Variants in ABAT observed in about 807,000 individuals in gnomAD.
The protein encoded by ABAT is 4-aminobutyrate aminotransferase.
Under a neutral mutation model 64.6 loss-of-function variants are expected in ABAT, and 45 were observed. The observed-to-expected ratio is 0.70, with a 90% CI of 0.55 to 0.89. The LOEUF is 0.89. Among genes scored for constraint, ABAT ranks in the 40% least tolerant of loss-of-function variants. The probability of loss-of-function intolerance (pLI) is 0.00; values close to 1 mark genes in which losing one functional copy is unlikely to be tolerated. For missense variants in ABAT, 633 were observed against 658.4 expected (o/e 0.96, Z 0.42); for synonymous variants, 297 against 250.5 (o/e 1.19, Z -1.75).
chr16:8,734,637 G>T (rs773924691), intron 1 of ABAT, among the ~76,000 whole-genome samples: 7 of 152,190 alleles, frequency 4.6e-5, no homozygotes, highest in South Asian at 2.1e-4. Context: ...GCGTCACACA[G>T]AAAGGACTCG....
At chr16:8,742,556 GATAA>G (rs138175876) in intron 2 of ABAT, among the ~76,000 whole-genome samples, 1,984 of 152,194 alleles carry the variant, frequency 0.013, 12 homozygotes, top group Non-Finnish European at 0.021. Context: ...CAAAGGAAAA[GATAA>G]ATAGTTTAGT....
intron 11 of ABAT, 62 bp downstream of exon 11, chr16:8,769,035 G>T (rs1257885702): frequency 6.2e-7 from 1 of 1,607,014 alleles, no homozygotes; most frequent in African/African-American, 1.3e-5. Context: ...GCCGCCCCAA[G>T]ACTTGGGGAG....
intron 11 of ABAT, among the ~76,000 whole-genome samples, chr16:8,772,545 A>G (rs1001851809): frequency 2.0e-5 from 3 of 152,212 alleles, no homozygotes; most frequent in Non-Finnish European, 4.4e-5. Context: ...CTGAAGCTAA[A>G]TTACTTGCCC....
intron 1 of ABAT, among the ~76,000 whole-genome samples, chr16:8,724,731 GAAAAAAAAAAAAAACAAAAAAAAAAA>G (rs1197906031): frequency 2.7e-5 from 2 of 73,194 alleles, no homozygotes; most frequent in Admixed American, 2.4e-4. Flanking sequence ...CTTGTCTCAG[GAAAAAAAAAAAAAACAAAAAAAAAAA>G]AAAAAAAAAA....
intron 14 of ABAT, among the ~76,000 whole-genome samples, chr16:8,778,517 G>A (rs1483079714): frequency 6.6e-6 from 1 of 152,204 alleles, no homozygotes; most frequent in Non-Finnish European, 1.5e-5. Context: ...GCTCACACCT[G>A]TAATCCCAGC....
At chr16:8,738,335 G>C in intron 2 of ABAT, 2 of 445,260 alleles carry the variant, frequency 4.5e-6, no homozygotes, top group South Asian at 3.2e-5. Context: ...AGATAAATAA[G>C]TTTTTAAAGA....
chr16:8,726,032 T>C (rs908162043), intron 1 of ABAT, among the ~76,000 whole-genome samples: 2 of 151,994 alleles, frequency 1.3e-5, no homozygotes, highest in African/African-American at 2.4e-5. Flanking sequence ...CTTCTATTCT[T>C]TCTAATTTTT....
chr16:8,684,861 C>G (rs938732664), intron 1 of ABAT, among the ~76,000 whole-genome samples: 1 of 151,992 alleles, frequency 6.6e-6, no homozygotes, highest in African/African-American at 2.4e-5. Flanking sequence ...TCAAATAAAG[C>G]ACAAATATGT....
At chr16:8,704,264 C>T (rs1399187490) in intron 1 of ABAT, among the ~76,000 whole-genome samples, 1 of 152,176 alleles carries the variant, frequency 6.6e-6, no homozygotes, top group African/African-American at 2.4e-5. Context: ...CTTCGGAAAC[C>T]AAACGGAACA....
In ABAT at chr16:8,720,088, C is replaced by T. The variant is rs993792542; in HGVS notation, c.-41-15611C>T. On this transcript the variant is annotated intron_variant, in intron 1 of 15. Transcript: ENST00000268251. ...TCGGCCTCCCAAAGTGCTAGGATTA[C>T]AGGCGTGAGCCATCGCGCCCAGCCA... is the stretch of plus-strand genomic sequence containing the variant. 3.9e-5 allele frequency among the ~76,000 whole-genome samples: 6 copies of T among 152,332 alleles called. No homozygotes were observed. In the South Asian group the frequency reaches 1.0e-3, roughly 26 times the overall value.
rs113409406 is a variant in ABAT at position 8,783,006 on chromosome 16, A to T, written c.*1576A>T. 1 of 152,098 alleles carries T rather than the reference A, an allele frequency of 6.6e-6. No individual in the cohort carries two copies. Among genetic ancestry groups the T allele is most frequent in the African/African-American group, 2.4e-5 (1 of 41,442 alleles). The allele number at this position is 152,098 out of a possible 1,614,324, so 9.4% of individuals were successfully genotyped here. On this transcript the variant is annotated 3_prime_UTR_variant, in exon 16 of 16. Coordinates refer to ENST00000268251, the MANE Select transcript of ABAT (RefSeq NM_020686.6). ...TATTTTTGTTGAAGAATGAAAGGCA[A>T]TGACAAGTTTAACATATACAAATTC... is the stretch of plus-strand genomic sequence containing the variant.
chr16:8,680,600 G>A (rs1247068541), intron 1 of ABAT, among the ~76,000 whole-genome samples: 1 of 152,044 alleles, frequency 6.6e-6, no homozygotes. Context: ...TAATTTTTTT[G>A]TATTTTTAGT....
chr16:8,722,250 A>G (rs2058393377), intron 1 of ABAT, among the ~76,000 whole-genome samples: 1 of 152,144 alleles, frequency 6.6e-6, no homozygotes, highest in Admixed American at 6.5e-5. Flanking sequence ...TTCTTTTCCT[A>G]GTTGCCTTCG....
rs947903615 is a variant in ABAT at position 8,713,955 on chromosome 16, G to A, written c.-41-21744G>A. Reference sequence around the variant, plus strand: ...GGGGAGGTGGTGCCAGTGTCTGTCAGTGCCTGTTATCTGTGGTGTTGGGGT... The same window carrying A: ...GGGGAGGTGGTGCCAGTGTCTGTCAATGCCTGTTATCTGTGGTGTTGGGGT... On this transcript the variant is annotated intron_variant, in intron 1 of 15. Transcript: ENST00000268251. The A allele has an allele frequency of 4.0e-5, 18 of 455,352 alleles. No homozygotes were observed. In the Admixed American group the frequency reaches 4.2e-4, roughly 11 times the overall value. The allele number at this position is 455,352 out of a possible 1,614,324, so 28.2% of individuals were successfully genotyped here.
intron 2 of ABAT, among the ~76,000 whole-genome samples, chr16:8,739,011 C>T (rs74008029): frequency 6.6e-6 from 1 of 152,052 alleles, no homozygotes; most frequent in Non-Finnish European, 1.5e-5. Context: ...TTATGCTAAA[C>T]TAAATCAGAA....
intron 1 of ABAT, among the ~76,000 whole-genome samples, chr16:8,681,542 T>C (rs540915375): frequency 2.0e-5 from 3 of 151,394 alleles, no homozygotes; most frequent in Admixed American, 1.3e-4. Context: ...CTGGAACCTA[T>C]GAATAGGACC....
chr16:8,694,874 G>A (rs933822837), intron 1 of ABAT, among the ~76,000 whole-genome samples: 8 of 152,200 alleles, frequency 5.3e-5, no homozygotes, highest in African/African-American at 1.9e-4. Flanking sequence ...AAGGAAGGCA[G>A]GCCGCCGCAT....
At chr16:8,712,741 T>C (rs993145500) in intron 1 of ABAT, 2 of 152,168 alleles carry the variant, frequency 1.3e-5, no homozygotes, top group African/African-American at 4.8e-5. Context: ...AGGATGCCGG[T>C]ATCTGGCTTG....
intron 14 of ABAT, among the ~76,000 whole-genome samples, chr16:8,779,133 G>T (rs535598735): frequency 6.6e-6 from 1 of 152,172 alleles, no homozygotes; most frequent in South Asian, 2.1e-4. Context: ...GTCTCACCAC[G>T]GCCCCAGTGG....
Sources: gnomAD v4.1 joint callset for allele counts (sites outside exome capture counted in the v4.1 genomes callset) on GRCh38, gnomAD v4.1.1 for gene constraint, MANE v1.5 for transcripts, NCBI Gene and HGNC (gene_info 2026-07-23, HGNC 2026-07-21) for gene names.